TFCP2: variants seen among roughly 807,000 people sequenced by gnomAD.
TFCP2 encodes transcription factor CP2, also known as alpha-globin transcription factor CP2.
Under a neutral mutation model 73.4 loss-of-function variants are expected in TFCP2, and 33 were observed. The ratio of observed to expected loss-of-function variants is 0.45; its 90% CI spans 0.34 to 0.60. TFCP2 has a LOEUF of 0.60. Among genes scored for constraint, TFCP2 ranks in the 20% least tolerant of loss-of-function variants. The pLI is 0.01. For synonymous variants in TFCP2, 193 were observed against 211.6 expected (o/e 0.91, Z 0.76); for missense variants, 352 against 604.0 (o/e 0.58, Z 4.37).
At chr12:51,158,007 T>TA (rs912873449) in intron 1 of TFCP2, among the ~76,000 whole-genome samples, 1 of 151,808 alleles carries the variant, frequency 6.6e-6, no homozygotes, top group African/African-American at 2.4e-5. Context: ...ACTATAATCT[T>TA]AATTTTTTTT....
chr12:51,117,055 T>C (rs1940545753), intron 3 of TFCP2, among the ~76,000 whole-genome samples: 1 of 152,180 alleles, frequency 6.6e-6, no homozygotes, highest in Non-Finnish European at 1.5e-5. Context: ...CCACGGCCTA[T>C]CTGGCTTAGC....
rs988012209 is a variant in TFCP2 at position 51,172,393 on chromosome 12, G to A, written c.30C>T (p.Ala10=). The A allele has an allele frequency of 1.9e-6, 3 of 1,614,046 alleles. No individual in the cohort carries two copies. Among genetic ancestry groups the A allele is most frequent in the South Asian group, 1.1e-5 (1 of 91,074 alleles). The change falls in exon 1 of 15, where the codon GCC becomes GCT. Residue 10 remains alanine (A), a synonymous_variant. Transcript: ENST00000257915. MAWALKLPL[A]DEVIESGLVQ... ...CCAACCCGGATTCAATCACTTCGTCGGCCAGAGGCAGCTTCAGAGCCCAGG... is the reference window on the plus strand; with the variant it reads ...CCAACCCGGATTCAATCACTTCGTCAGCCAGAGGCAGCTTCAGAGCCCAGG...
chr12:51,122,239 ATTTTTTTTCTTTTC>A, intron 1 of TFCP2, among the ~76,000 whole-genome samples: 1 of 113,988 alleles, frequency 8.8e-6, no homozygotes, highest in East Asian at 2.5e-4. Flanking sequence ...AAACAGTTTT[ATTTTTTTTCTTTTC>A]TTTTTTTTTT....
intron 11 of TFCP2, among the ~76,000 whole-genome samples, chr12:51,100,642 C>T (rs1940087627): frequency 6.6e-6 from 1 of 152,026 alleles, no homozygotes; most frequent in Non-Finnish European, 1.5e-5. Context: ...ACGGCAAAAC[C>T]CCGCCTCTAC....
rs936957246 is a variant in TFCP2, at chr12:51,171,481, G to A, written c.122+820C>T. On this transcript the variant is annotated intron_variant, in intron 1 of 14. Coordinates refer to ENST00000257915, the MANE Select transcript of TFCP2 (RefSeq NM_005653.5). ...CAACCTCCGCCTCCCGGGTTCAAGC[G>A]ATTCTCCTGCCTCAGCCTCCCGAGT... 1.8e-4 allele frequency among the ~76,000 whole-genome samples: 27 copies of A among 152,196 alleles called. No homozygotes were observed. In the Middle Eastern group the frequency reaches 0.014, roughly 77 times the overall value.
At chr12:51,146,082 G>T (rs1383093200) in intron 1 of TFCP2, among the ~76,000 whole-genome samples, 1 of 151,644 alleles carries the variant, frequency 6.6e-6, no homozygotes, top group Non-Finnish European at 1.5e-5. Context: ...AAATATTTTT[G>T]AGGCTGGCCA....
intron 1 of TFCP2, among the ~76,000 whole-genome samples, chr12:51,163,171 G>A (rs571517207): frequency 5.9e-5 from 9 of 152,210 alleles, no homozygotes; most frequent in African/African-American, 1.7e-4. Flanking sequence ...ATGGTGGCAC[G>A]AGCCTATGGT....
chr12:51,148,047 A>T (rs1207671081), intron 1 of TFCP2, among the ~76,000 whole-genome samples: 1 of 152,176 alleles, frequency 6.6e-6, no homozygotes, highest in Non-Finnish European at 1.5e-5. Context: ...AATGCTCAAC[A>T]TCACTATCAG....
chr12:51,120,198 A>G (rs1229274311), intron 1 of TFCP2, among the ~76,000 whole-genome samples: 5 of 150,572 alleles, frequency 3.3e-5, no homozygotes, highest in African/African-American at 9.7e-5. Flanking sequence ...AAAAAAAAAA[A>G]AAAGAACAAC....
chr12:51,148,290 A>G (rs1032700386), intron 1 of TFCP2, among the ~76,000 whole-genome samples: 4 of 152,220 alleles, frequency 2.6e-5, no homozygotes, highest in African/African-American at 9.6e-5. Context: ...CTGGGTATCT[A>G]CCCAGAGGAA....
chr12:51,131,204 G>A (rs1201636467), intron 1 of TFCP2, among the ~76,000 whole-genome samples: 4 of 150,298 alleles, frequency 2.7e-5, no homozygotes, highest in South Asian at 2.1e-4. Flanking sequence ...GTGTGGTGGC[G>A]GGCGCCTGTA....
At position 51,122,006 on chromosome 12, in the gene TFCP2, T is replaced by G. The variant is rs548611026; in HGVS notation, c.123-3234A>C. ...ACTATTGACAGAAAGTTGACTACAC[T>G]CTTGTGAATTTTACAGACAATATTA... On this transcript the variant is annotated intron_variant, in intron 1 of 14. Coordinates refer to ENST00000257915, the MANE Select transcript of TFCP2 (RefSeq NM_005653.5). 9.9e-4 allele frequency among the ~76,000 whole-genome samples: 151 copies of G among 152,214 alleles called. 2 individuals carry two copies. The Middle Eastern group carries it at 0.01, about 10-fold the overall frequency.
At chr12:51,118,363 G>A (rs1940583035) in intron 2 of TFCP2, among the ~76,000 whole-genome samples, 1 of 152,144 alleles carries the variant, frequency 6.6e-6, no homozygotes, top group East Asian at 1.9e-4. Flanking sequence ...GACCATCCTG[G>A]CTAACACGAT....
At chr12:51,132,487 G>A (rs1159826385) in intron 1 of TFCP2, among the ~76,000 whole-genome samples, 1 of 142,444 alleles carries the variant, frequency 7.0e-6, no homozygotes, top group Non-Finnish European at 1.5e-5. Context: ...TCTTGCCTCA[G>A]TCTCCCGAGC....
intron 4 of TFCP2, among the ~76,000 whole-genome samples, chr12:51,113,928 T>C (rs1940458391): frequency 3.3e-5 from 5 of 152,112 alleles, no homozygotes; most frequent in Non-Finnish European, 2.9e-5. Context: ...TTGTACCATA[T>C]ACAAACACGA....
In TFCP2 at chr12:51,141,001, C is replaced by T. The variant is rs370270251; in HGVS notation, c.123-22229G>A. Among the ~76,000 whole-genome samples, 39 of 151,780 alleles carry T rather than the reference C, an allele frequency of 2.6e-4. No homozygotes were observed. In the East Asian group the frequency reaches 2.9e-3, roughly 11 times the overall value. ...AACCGGGGAGGCAGAGGTTGCAGTG[C>T]GCTGAGATCACACCACTGGACTCCA... is the stretch of plus-strand genomic sequence containing the variant. On this transcript the variant is annotated intron_variant, in intron 1 of 14. Coordinates refer to ENST00000257915, the MANE Select transcript of TFCP2 (RefSeq NM_005653.5).
At chr12:51,142,275 G>T in intron 1 of TFCP2, among the ~76,000 whole-genome samples, 1 of 149,930 alleles carries the variant, frequency 6.7e-6, no homozygotes, top group African/African-American at 2.5e-5. Context: ...GATATACTGT[G>T]GATGAATAGT....
intron 1 of TFCP2, among the ~76,000 whole-genome samples, chr12:51,153,747 GAAT>G (rs1418043043): frequency 6.6e-6 from 1 of 152,162 alleles, no homozygotes; most frequent in African/African-American, 2.4e-5. Flanking sequence ...TTTCAAGCCT[GAAT>G]AATATTCCAT....
At chr12:51,135,204 A>G (rs957164789) in intron 1 of TFCP2, among the ~76,000 whole-genome samples, 2 of 152,024 alleles carry the variant, frequency 1.3e-5, no homozygotes, top group Non-Finnish European at 2.9e-5. Flanking sequence ...AGGCGGGCGG[A>G]TCACTTGAGG....
Sources: allele counts gnomAD v4.1 joint callset (sites outside exome capture counted in the v4.1 genomes callset), GRCh38; gene constraint gnomAD v4.1.1; transcripts MANE v1.5; gene names NCBI Gene and HGNC (gene_info 2026-07-23, HGNC 2026-07-21).